The following CCDC88C variants were observed in gnomAD, a reference collection of about 807,000 sequenced individuals.
CCDC88C encodes coiled-coil and HOOK domain protein 88C.
Under a neutral mutation model 198.8 loss-of-function variants are expected in CCDC88C, and 131 were observed. The observed-to-expected ratio is 0.66, with a 90% confidence interval of 0.57 to 0.76. CCDC88C has a LOEUF of 0.76. CCDC88C is among the 30% of genes least tolerant of loss of function. The probability of loss-of-function intolerance (pLI) is 0.00; values close to 1 mark genes in which losing one functional copy is unlikely to be tolerated. For synonymous variants in CCDC88C, 1,166 were observed against 1,114.7 expected (o/e 1.05, Z -0.92); for missense variants, 2,553 against 2,631.6 (o/e 0.97, Z 0.65).
chr14:91,403,922 A>G (rs1352111128), intron 3 of CCDC88C, among the ~76,000 whole-genome samples: 1 of 152,222 alleles, frequency 6.6e-6, no homozygotes, highest in Non-Finnish European at 1.5e-5. Context: ...ACAGAGAGAG[A>G]CCCTATCTCA....
chr14:91,379,469 G>A, intron 3 of CCDC88C: 1 of 305,242 alleles, frequency 3.3e-6, no homozygotes, highest in Non-Finnish European at 6.2e-6. Context: ...TACAGGATGT[G>A]GCCTTGGCCA....
chr14:91,294,999 A>G (rs903501986), intron 22 of CCDC88C, among the ~76,000 whole-genome samples: 5 of 152,172 alleles, frequency 3.3e-5, no homozygotes, highest in Admixed American at 6.5e-5. Context: ...ATTGGGGTGC[A>G]ATGGGAAAAT....
intron 20 of CCDC88C, among the ~76,000 whole-genome samples, chr14:91,302,243 G>A (rs187549958): frequency 3.5e-4 from 54 of 152,292 alleles, no homozygotes; most frequent in African/African-American, 1.2e-3. Flanking sequence ...AAGAACCAAC[G>A]ATCACTTAGC....
At chr14:91,295,258 C>T (rs1424376676) in intron 22 of CCDC88C, among the ~76,000 whole-genome samples, 1 of 152,152 alleles carries the variant, frequency 6.6e-6, no homozygotes, top group African/African-American at 2.4e-5. Context: ...GTGAGAAGAA[C>T]TGGAAGGAAA....
In CCDC88C at chr14:91,289,395, G is replaced by C. The variant is rs544257654; in HGVS notation, c.4203-52C>G. On this transcript the variant is annotated intron_variant, in intron 24 of 29. Transcript: ENST00000389857. ...TAGCCAGCCCTCCCACACACCCCCA[G>C]TGGGTCCCTGGTTCCCTAACATGGG... is the stretch of plus-strand genomic sequence containing the variant. 5.3e-6 allele frequency: 8 copies of C among 1,507,808 alleles called. No homozygotes were observed. In the Admixed American group the frequency reaches 1.2e-4, roughly 22 times the overall value. The allele number at this position is 1,507,808 out of a possible 1,614,324, so 93.4% of individuals were successfully genotyped here.
intron 3 of CCDC88C, among the ~76,000 whole-genome samples, chr14:91,397,446 ACACACTCACACACACTCT>A (rs1378315776): frequency 6.6e-6 from 1 of 152,176 alleles, no homozygotes; most frequent in Non-Finnish European, 1.5e-5. Context: ...GTGTACACAC[ACACACTCACACACACTCT>A]CACACTCACA....
chr14:91,396,701 T>C (rs916209516), intron 3 of CCDC88C, among the ~76,000 whole-genome samples: 1 of 152,180 alleles, frequency 6.6e-6, no homozygotes, highest in African/African-American at 2.4e-5. Context: ...CCCAGAAGCT[T>C]TGTTGCTTAC....
chr14:91,324,817 T>A lies in CCDC88C; in HGVS notation c.1304A>T (p.Glu435Val), dbSNP rs1237328040. 1 of 1,613,210 alleles carries A rather than the reference T, an allele frequency of 6.2e-7. No homozygotes were observed. Among genetic ancestry groups the A allele is most frequent in the South Asian group, 1.1e-5 (1 of 91,084 alleles). Reference sequence around the variant, plus strand: ...TGCGTTCTTGGACAGCTGCTCCAGCTCCCAGCCAAGGTGGGCAGATTCGTT... The same window carrying A: ...TGCGTTCTTGGACAGCTGCTCCAGCACCCAGCCAAGGTGGGCAGATTCGTT... ...SMNESAHLGW[E>V]LEQLSKNADL... The change falls in exon 12 of 30, where the codon GAG becomes GTG. Residue 435 changes from glutamate (E) to valine (V), a missense_variant. By Grantham distance (121) the Glu-to-Val change is moderately radical. Around this residue, in one of 2 missense-constraint regions of CCDC88C, gnomAD observed 1,260 missense variants for 1,412.0 expected, o/e 0.89. Transcript: ENST00000389857.
At chr14:91,363,044 C>T (rs752519467) in intron 3 of CCDC88C, among the ~76,000 whole-genome samples, 3 of 152,102 alleles carry the variant, frequency 2.0e-5, no homozygotes, top group African/African-American at 4.8e-5. Flanking sequence ...AAGCTACTCT[C>T]GAGCCATTAA....
intron 10 of CCDC88C, among the ~76,000 whole-genome samples, chr14:91,326,631 C>A (rs1172834576): frequency 6.6e-6 from 1 of 152,212 alleles, no homozygotes; most frequent in African/African-American, 2.4e-5. Flanking sequence ...CTAATCTCAT[C>A]TGGACGGACA....
At chr14:91,397,576 C>T (rs1885929259) in intron 3 of CCDC88C, among the ~76,000 whole-genome samples, 1 of 152,252 alleles carries the variant, frequency 6.6e-6, no homozygotes, top group Admixed American at 6.5e-5. Flanking sequence ...TCGCCCTCTG[C>T]AACACCTGCA....
intron 2 of CCDC88C, among the ~76,000 whole-genome samples, chr14:91,414,300 T>C (rs1886932751): frequency 6.6e-6 from 1 of 152,188 alleles, no homozygotes; most frequent in Non-Finnish European, 1.5e-5. Context: ...ACGTCCCATT[T>C]TACAGATGAG....
intron 23 of CCDC88C, among the ~76,000 whole-genome samples, chr14:91,293,130 C>T (rs1456960625): frequency 1.4e-5 from 2 of 147,526 alleles, no homozygotes; most frequent in African/African-American, 2.5e-5. Flanking sequence ...TCACTTGCCA[C>T]AGCCCACCTT....
chr14:91,307,425 C>A (rs1421703362), intron 17 of CCDC88C, among the ~76,000 whole-genome samples, 199 bp from the exon 18 acceptor site: 2 of 152,172 alleles, frequency 1.3e-5, no homozygotes, highest in Non-Finnish European at 2.9e-5. Context: ...CCCTTCCCTT[C>A]CAGAGAGGAC....
intron 4 of CCDC88C, among the ~76,000 whole-genome samples, chr14:91,354,156 G>A (rs191719077): frequency 6.6e-6 from 1 of 152,316 alleles, no homozygotes; most frequent in African/African-American, 2.4e-5. Context: ...GATCGGCCAT[G>A]TGTAAGTCTG....
intron 25 of CCDC88C, among the ~76,000 whole-genome samples, chr14:91,287,046 G>A (rs1421018920): frequency 1.3e-5 from 2 of 152,226 alleles, no homozygotes; most frequent in African/African-American, 2.4e-5. Flanking sequence ...CTTGCTCACG[G>A]ATCACTTTGG....
Position 91,338,190 on chromosome 14 carries a change from C to T in CCDC88C, c.892-27G>A, listed in dbSNP as rs767023445. 8 of 1,611,348 alleles carry T rather than the reference C, an allele frequency of 5.0e-6. No individual in the cohort carries two copies. The East Asian group carries it at 1.8e-4, about 36-fold the overall frequency. On this transcript the variant is annotated intron_variant, in intron 9 of 29. Coordinates refer to ENST00000389857, the MANE Select transcript of CCDC88C (RefSeq NM_001080414.4). The surrounding 1 kb of genome is among the most constrained non-coding windows in gnomAD (Gnocchi z 4.8). ...TGCAAGGTGGACAAAGGCAGGAGAA[C>T]CTAGCTTAGGGCATCCTCTAGGAAG...
intron 16 of CCDC88C, among the ~76,000 whole-genome samples, chr14:91,309,449 C>G (rs1455041339): frequency 6.6e-6 from 1 of 151,870 alleles, no homozygotes; most frequent in South Asian, 2.1e-4. Context: ...ACAAAACATA[C>G]AAGGATTAGC....
chr14:91,323,844 C>G (rs1202014459), intron 12 of CCDC88C, among the ~76,000 whole-genome samples: 1 of 152,254 alleles, frequency 6.6e-6, no homozygotes, highest in Admixed American at 6.5e-5. Flanking sequence ...CCCAGAACTA[C>G]GCACAGATAT....
Sources: allele counts gnomAD v4.1 joint callset (sites outside exome capture counted in the v4.1 genomes callset), GRCh38; gene constraint gnomAD v4.1.1; regional missense constraint gnomAD v4.1.1; non-coding constraint Gnocchi (gnomAD v3.1); transcripts MANE v1.5; gene names NCBI Gene and HGNC (gene_info 2026-07-23, HGNC 2026-07-21).